The following RIMBP2 variants were observed in gnomAD, a reference collection of about 807,000 sequenced individuals.
The protein encoded by RIMBP2 is RIMS-binding protein 2.
RIMBP2 carries 48 observed loss-of-function variants against 118.6 expected under a neutral mutation model. The ratio of observed to expected loss-of-function variants is 0.40; its 90% CI spans 0.32 to 0.51. RIMBP2 has a LOEUF of 0.51. Among genes scored for constraint, RIMBP2 ranks in the 20% least tolerant of loss-of-function variants. The probability of loss-of-function intolerance (pLI) is 0.41; values close to 1 mark genes in which losing one functional copy is unlikely to be tolerated. For synonymous variants in RIMBP2, 762 were observed against 742.9 expected (o/e 1.03, Z -0.42); for missense variants, 1,551 against 1,768.3 (o/e 0.88, Z 2.20).
intron 17 of RIMBP2, among the ~76,000 whole-genome samples, chr12:130,417,553 A>G (rs1428598747): frequency 6.6e-6 from 1 of 152,194 alleles, no homozygotes; most frequent in African/African-American, 2.4e-5. Context: ...AGATGGGAAC[A>G]ACAGAAACTG....
intron 1 of RIMBP2, among the ~76,000 whole-genome samples, chr12:130,635,352 G>T (rs1408439045): frequency 3.3e-5 from 5 of 152,212 alleles, no homozygotes; most frequent in Admixed American, 3.3e-4. Context: ...AGGAGCTACT[G>T]AAACACTTGT....
intron 16 of RIMBP2, among the ~76,000 whole-genome samples, chr12:130,423,267 C>T (rs113499106): frequency 4.7e-4 from 71 of 152,212 alleles, no homozygotes; most frequent in African/African-American, 1.4e-3. Context: ...GAAGGGAGTC[C>T]GGGGATGAGG....
At chr12:130,592,666 G>A (rs2059340355) in intron 2 of RIMBP2, among the ~76,000 whole-genome samples, 1 of 137,288 alleles carries the variant, frequency 7.3e-6, no homozygotes, top group African/African-American at 2.8e-5. Flanking sequence ...TCCAGCCTGG[G>A]CAATAGAGAC....
chr12:130,486,467 G>A (rs962543416), intron 4 of RIMBP2, among the ~76,000 whole-genome samples: 7 of 123,200 alleles, frequency 5.7e-5, no homozygotes, highest in African/African-American at 1.9e-4. Context: ...CCCGTCCCCC[G>A]CCCCCCCGCC....
chr12:130,411,290 T>C (rs1194439218), intron 19 of RIMBP2, among the ~76,000 whole-genome samples: 1 of 152,178 alleles, frequency 6.6e-6, no homozygotes, highest in Admixed American at 6.5e-5. Flanking sequence ...TTCCATGTCA[T>C]CTGTGAACAG....
At chr12:130,563,518 G>A (rs1357877474) in intron 2 of RIMBP2, among the ~76,000 whole-genome samples, 2 of 152,226 alleles carry the variant, frequency 1.3e-5, no homozygotes, top group African/African-American at 4.8e-5. Flanking sequence ...ACTTCATAGG[G>A]AATCAAGTAT....
chr12:130,424,233 C>G lies in RIMBP2; in HGVS notation c.3038G>C (p.Arg1013Pro). ...GGTTATGCTTTTCTTCCAGACACCC[C>G]GAAAATCTTGGTGCTCGGTGGGCTC... The part of the protein sequence containing the change: ...WGEPTEHQDF[R>P]GVWKKSITMP... The change falls in exon 16 of 23, where the codon CGG (arginine) becomes CCG (proline). Residue 1013 changes from arginine (R) to proline (P), a missense_variant. This residue lies in a region of RIMBP2 where 1,038 missense variants were observed against 1,125.1 expected (regional missense o/e 0.92). Transcript: ENST00000690449. This position sits in a 1 kb window ranked among gnomAD's most constrained non-coding sequence, Gnocchi z 9.8. 3.2e-6 allele frequency: 4 copies of G among 1,232,004 alleles called. No homozygotes were observed. The highest frequency in any genetic ancestry group is 4.0e-6 in the Non-Finnish European group (4 of 987,946). The allele number at this position is 1,232,004 out of a possible 1,614,324, so 76.3% of individuals were successfully genotyped here. A position where few individuals can be genotyped will look rare whatever the true frequency, so the allele number is the denominator to read the frequency against.
rs2065967556 is a variant in RIMBP2, at chr12:130,703,702, C to T, written c.-352+12520G>A. The stretch of plus-strand genomic sequence containing the variant: ...CCCCTGGGGTCGGGTGGCTTCTCCA[C>T]GTCTTAAATAAGATTCAGTTGTCAT... On this transcript the variant is annotated intron_variant, in intron 1 of 22. Transcript: ENST00000690449. The surrounding 1 kb of genome is among the most constrained non-coding windows in gnomAD (Gnocchi z 5.7). Among the ~76,000 whole-genome samples the T allele has an allele frequency of 6.6e-6, 1 of 152,246 alleles. No individual in the cohort carries two copies. Among genetic ancestry groups the T allele is most frequent in the Non-Finnish European group, 1.5e-5 (1 of 68,046 alleles).
intron 16 of RIMBP2, among the ~76,000 whole-genome samples, 172 bp downstream of exon 16, chr12:130,423,970 T>G (rs2076590957): frequency 6.6e-6 from 1 of 152,090 alleles, no homozygotes; most frequent in Non-Finnish European, 1.5e-5. Flanking sequence ...TTCAGCATGG[T>G]CAAAAGGTTG....
intron 1 of RIMBP2, among the ~76,000 whole-genome samples, chr12:130,679,097 G>A (rs143009700): frequency 1.3e-5 from 2 of 152,248 alleles, no homozygotes; most frequent in East Asian, 3.9e-4. Context: ...AGACTAACCT[G>A]ATCATTTCCC....
intron 2 of RIMBP2, among the ~76,000 whole-genome samples, chr12:130,531,201 A>G (rs2053339515): frequency 6.6e-6 from 1 of 152,194 alleles, no homozygotes; most frequent in African/African-American, 2.4e-5. Flanking sequence ...ATTGAGGTAA[A>G]ACATACATGA....
At chr12:130,514,593 G>T (rs532424833) in intron 3 of RIMBP2, among the ~76,000 whole-genome samples, 1 of 152,244 alleles carries the variant, frequency 6.6e-6, no homozygotes, top group African/African-American at 2.4e-5. Context: ...AGCTATTTTA[G>T]TCGTAGGAAG....
In RIMBP2 at chr12:130,546,614, C is replaced by T. The variant is rs113200688; in HGVS notation, c.-216-28697G>A. 9.9e-3 allele frequency among the ~76,000 whole-genome samples: 1,512 copies of T among 152,204 alleles called. 24 individuals carry two copies. Among genetic ancestry groups the T allele is most frequent in the African/African-American group, 0.035 (1,436 of 41,516 alleles). ...CCAGTCTACTGCTTATTTCTGCCAACGTTCTTCAAAGATTAGAAAATATGA... is the reference window on the plus strand; with the variant it reads ...CCAGTCTACTGCTTATTTCTGCCAATGTTCTTCAAAGATTAGAAAATATGA... On this transcript the variant is annotated intron_variant, in intron 2 of 22. Coordinates refer to ENST00000690449, the MANE Select transcript of RIMBP2 (RefSeq NM_001393629.1).
chr12:130,580,743 C>A (rs1335698950), intron 2 of RIMBP2, among the ~76,000 whole-genome samples: 1 of 152,082 alleles, frequency 6.6e-6, no homozygotes, highest in African/African-American at 2.4e-5. Flanking sequence ...AGTTTGAGAC[C>A]AGCCTGGCCA....
chr12:130,692,051 C>A (rs1168093724), intron 1 of RIMBP2, among the ~76,000 whole-genome samples: 1 of 152,206 alleles, frequency 6.6e-6, no homozygotes, highest in Admixed American at 6.5e-5. Context: ...TTGTTGTAAT[C>A]ACAGGACTAG....
Position 130,420,592 on chromosome 12 carries a change from A to G in RIMBP2, c.3238+1861T>C, listed in dbSNP as rs993089993. 1.3e-5 allele frequency among the ~76,000 whole-genome samples: 2 copies of G among 152,224 alleles called. No individual in the cohort carries two copies. The highest frequency in any genetic ancestry group is 4.8e-5 in the African/African-American group (2 of 41,456). On this transcript the variant is annotated intron_variant, in intron 17 of 22. Transcript: ENST00000690449. The surrounding 1 kb of genome is among the most constrained non-coding windows in gnomAD (Gnocchi z 4.3). ...AAAGCTTCTCACTGCTGATGAATGCAGTTTTAAAAAAAAAGTCTCAACAAT... is the reference window on the plus strand; with the variant it reads ...AAAGCTTCTCACTGCTGATGAATGCGGTTTTAAAAAAAAAGTCTCAACAAT...
At chr12:130,587,043 G>A in intron 2 of RIMBP2, among the ~76,000 whole-genome samples, 1 of 121,056 alleles carries the variant, frequency 8.3e-6, no homozygotes, top group African/African-American at 3.3e-5. Flanking sequence ...CTTCTCAAAA[G>A]AAGACATTTA....
intron 2 of RIMBP2, among the ~76,000 whole-genome samples, chr12:130,533,185 G>C (rs1269031000): frequency 6.6e-6 from 1 of 151,444 alleles, no homozygotes; most frequent in African/African-American, 2.4e-5. Flanking sequence ...TGAGATGCGT[G>C]TGTTTAGCCT....
chr12:130,406,482 A>G (rs189483846), intron 20 of RIMBP2, among the ~76,000 whole-genome samples: 149 of 152,332 alleles, frequency 9.8e-4, no homozygotes, highest in African/African-American at 3.3e-3. Flanking sequence ...ATTTTGGCCA[A>G]AATTCAAGAT....
Sources: allele counts gnomAD v4.1 joint callset (sites outside exome capture counted in the v4.1 genomes callset), GRCh38; gene constraint gnomAD v4.1.1; regional missense constraint gnomAD v4.1.1; non-coding constraint Gnocchi (gnomAD v3.1); transcripts MANE v1.5; gene names NCBI Gene and HGNC (gene_info 2026-07-23, HGNC 2026-07-21).